Variants in YME1L1 observed in about 807,000 individuals in gnomAD.
YME1L1 encodes YME1 like 1 ATPase, also known as ATP-dependent zinc metalloprotease YME1L1.
Under a neutral mutation model 90.4 loss-of-function variants are expected in YME1L1, and 39 were observed. The ratio of observed to expected loss-of-function variants is 0.43; its 90% CI spans 0.33 to 0.56. The LOEUF is 0.56. Ranked by LOEUF, YME1L1 falls within the 20% of genes least tolerant of loss-of-function variation. YME1L1 has a pLI of 0.03. For missense variants in YME1L1, 617 were observed against 868.4 expected, an observed-to-expected ratio of 0.71 and a Z score of 3.64; for synonymous variants, 284 against 287.3, an observed-to-expected ratio of 0.99 and a Z score of 0.12.
At chr10:27,115,184 C>A (rs1015918853) in intron 17 of YME1L1, among the ~76,000 whole-genome samples, 5 of 152,078 alleles carry the variant, frequency 3.3e-5, no homozygotes, top group African/African-American at 1.2e-4. Context: ...ACCCGGGAGG[C>A]GGTAGCTGCA....
intron 10 of YME1L1, 68 bp downstream of exon 10, chr10:27,123,479 A>G: frequency 6.6e-7 from 1 of 1,503,862 alleles, no homozygotes; most frequent in Non-Finnish European, 8.9e-7. Context: ...TAATTAGCAA[A>G]GAAAGGGTAA....
At position 27,113,233 on chromosome 10, in the gene YME1L1, A is replaced by T. The variant is rs865880746; in HGVS notation, c.2008-1113T>A. 8.4e-4 allele frequency among the ~76,000 whole-genome samples: 24 copies of T among 28,586 alleles called. No homozygotes were observed. The East Asian group carries it at 8.9e-3, about 11-fold the overall frequency. The allele number at this position is 28,586 out of a possible 152,430, so 18.8% of individuals were successfully genotyped here. A position where few individuals can be genotyped will look rare whatever the true frequency, so the allele number is the denominator to read the frequency against. The stretch of plus-strand genomic sequence containing the variant: ...AGATGCTGTCTCAAAAAAAAAAAAA[A>T]AAAAAAAAAAAAAAAAAAAAAAAAA... On this transcript the variant is annotated intron_variant, in intron 18 of 18. Transcript: ENST00000376016.
At chr10:27,124,074 C>G (rs1432922397) in intron 9 of YME1L1, among the ~76,000 whole-genome samples, 1 of 151,926 alleles carries the variant, frequency 6.6e-6, no homozygotes, top group African/African-American at 2.4e-5. Flanking sequence ...TCATAAAGAA[C>G]AAAAAATTCT....
chr10:27,134,905 G>C lies in YME1L1; in HGVS notation c.617C>G (p.Ala206Gly), dbSNP rs765121672. ...ACCAGTTTTAAATGCATCTTGGTGA[G>C]CTTCAGGTATATTTTTGGTTTTCAT... Reference protein sequence around the residue: ...KLMKTKNIPEAHQDAFKTGFA... With the variant: ...KLMKTKNIPEGHQDAFKTGFA... Residue 206 changes from alanine to glycine, a missense_variant, in exon 6 of 19, where the codon GCT becomes GGT. Physicochemically the swap from Ala to Gly is moderately conservative, Grantham distance 60 (BLOSUM62 0). Coordinates refer to ENST00000376016, the MANE Select transcript of YME1L1 (RefSeq NM_014263.4). 2.5e-6 allele frequency: 4 copies of C among 1,613,972 alleles called. No individual in the cohort carries two copies. Among genetic ancestry groups the C allele is most frequent in the Non-Finnish European group, 3.4e-6 (4 of 1,179,992 alleles).
At chr10:27,125,570 T>G (rs953373954) in intron 9 of YME1L1, among the ~76,000 whole-genome samples, 4 of 151,806 alleles carry the variant, frequency 2.6e-5, no homozygotes, top group Admixed American at 6.6e-5. Context: ...AGGATACTAT[T>G]GGAGCAAATG....
At chr10:27,114,760 G>A (rs2056794464) in intron 17 of YME1L1, among the ~76,000 whole-genome samples, 153 bp from the exon 18 acceptor site, 1 of 152,154 alleles carries the variant, frequency 6.6e-6, no homozygotes, top group Non-Finnish European at 1.5e-5. Flanking sequence ...GGGCACAGTG[G>A]CTCACACCTG....
At position 27,142,368 on chromosome 10, in the gene YME1L1, T is replaced by A; in HGVS notation, c.430+19A>T. On this transcript the variant is annotated intron_variant, in intron 4 of 18. Coordinates refer to ENST00000376016, the MANE Select transcript of YME1L1 (RefSeq NM_014263.4). ...AATAAATATTTTTTTTTCCACAATT[T>A]ATGGTTGTTGCTTCATACCTGGCCA... The A allele has an allele frequency of 7.4e-7, 1 of 1,355,796 alleles. No individual in the cohort carries two copies. The highest frequency in any genetic ancestry group is 1.7e-5 in the South Asian group (1 of 59,024). 84.0% of individuals were successfully genotyped at this position (1,355,796 alleles called of 1,614,324 possible).
intron 8 of YME1L1, among the ~76,000 whole-genome samples, chr10:27,127,448 C>T (rs1262619357): frequency 6.6e-6 from 1 of 151,974 alleles, no homozygotes; most frequent in African/African-American, 2.4e-5. Flanking sequence ...ATAGTCACAC[C>T]AGCTGTATTT....
At chr10:27,147,291 C>T (rs1198320867) in intron 2 of YME1L1, 3 of 823,288 alleles carry the variant, frequency 3.6e-6, no homozygotes, top group Non-Finnish European at 5.6e-6. Context: ...GCCAGGAGTT[C>T]GAGATCAGCC....
chr10:27,123,089 A>G (rs2135854174), intron 10 of YME1L1, 116 bp from the exon 11 acceptor site: 1 of 1,290,280 alleles, frequency 7.8e-7, no homozygotes, highest in Non-Finnish European at 1.1e-6. Context: ...ATATTCACTG[A>G]AAGAAAAGGA....
At chr10:27,122,740 T>A in intron 11 of YME1L1, 101 bp downstream of exon 11, 1 of 1,496,070 alleles carries the variant, frequency 6.7e-7, no homozygotes, top group Non-Finnish European at 9.1e-7. Flanking sequence ...TATCTCTAGA[T>A]ATGAAATGCC....
chr10:27,127,684 G>A (rs916446689), intron 8 of YME1L1, among the ~76,000 whole-genome samples: 2 of 152,154 alleles, frequency 1.3e-5, no homozygotes. Context: ...ATTCATGTAT[G>A]GTATTAGACA....
rs575635621 is a variant in YME1L1 at position 27,115,791 on chromosome 10, T to A, written c.1920+269A>T. On this transcript the variant is annotated intron_variant, in intron 17 of 18. Transcript: ENST00000376016. ...CAAACTTAGAAAGTAGACTCTTTCA[T>A]GCCACATGGAAAAGCTAAGGAATTC... Among the ~76,000 whole-genome samples the A allele has an allele frequency of 2.0e-5, 3 of 152,348 alleles. No homozygotes were observed. The South Asian group carries it at 6.2e-4, about 32-fold the overall frequency.
At chr10:27,116,196 T>A (rs766908509) in intron 16 of YME1L1, 23 bp downstream of exon 16, 24 of 1,613,972 alleles carry the variant, frequency 1.5e-5, no homozygotes, top group Non-Finnish European at 1.9e-5. Flanking sequence ...TAATTTGAAC[T>A]AAAGCCATTC....
intron 17 of YME1L1, among the ~76,000 whole-genome samples, chr10:27,115,663 C>A (rs1400684818): frequency 6.6e-6 from 1 of 152,084 alleles, no homozygotes; most frequent in East Asian, 1.9e-4. Context: ...AAAACCTTGG[C>A]AGCTACTTCA....
At chr10:27,136,774 G>T (rs1462488975) in intron 4 of YME1L1, among the ~76,000 whole-genome samples, 3 of 151,082 alleles carry the variant, frequency 2.0e-5, no homozygotes, top group African/African-American at 7.3e-5. Context: ...TTGTTGCCCA[G>T]GCTGGAGTGC....
rs2056980336 is a variant in YME1L1, at chr10:27,131,842, C to G, written c.858+17G>C. 1 of 1,589,806 alleles carries G rather than the reference C, an allele frequency of 6.3e-7. No individual in the cohort carries two copies. Among genetic ancestry groups the G allele is most frequent in the African/African-American group, 1.4e-5 (1 of 73,974 alleles). On this transcript the variant is annotated intron_variant, in intron 8 of 18. Transcript: ENST00000376016. Reference sequence around the variant, plus strand: ...TAGAGGATGTATGAAGAAGGCAAGGCAATCTTCTTAACTTACCCCTTTAAC... The same window carrying G: ...TAGAGGATGTATGAAGAAGGCAAGGGAATCTTCTTAACTTACCCCTTTAAC...
chr10:27,130,190 G>T (rs530214465), intron 8 of YME1L1, among the ~76,000 whole-genome samples: 2 of 152,206 alleles, frequency 1.3e-5, no homozygotes, highest in South Asian at 4.2e-4. Flanking sequence ...TCACATTGCT[G>T]ATCACTCCCC....
chr10:27,132,828 T>C (rs575298579), intron 7 of YME1L1, among the ~76,000 whole-genome samples: 2 of 151,842 alleles, frequency 1.3e-5, no homozygotes, highest in African/African-American at 4.8e-5. Flanking sequence ...TCAAAAAAAA[T>C]AAATGAAATA....
Sources: gnomAD v4.1 joint callset for allele counts (sites outside exome capture counted in the v4.1 genomes callset) on GRCh38, gnomAD v4.1.1 for gene constraint, MANE v1.5 for transcripts, NCBI Gene and HGNC (gene_info 2026-07-23, HGNC 2026-07-21) for gene names.